Variants in CEP128 observed in about 807,000 individuals in gnomAD.
The protein encoded by CEP128 is centrosomal protein 128kDa.
A neutral mutation model predicts 156.7 loss-of-function variants in CEP128; 132 were observed. That is an observed-to-expected ratio of 0.84 (90% CI 0.73 to 0.97). The LOEUF (loss-of-function observed/expected upper bound fraction) is 0.97, where lower values mean the gene tolerates loss of function less well. Among genes scored for constraint, CEP128 ranks in the 50% least tolerant of loss-of-function variants. CEP128 has a pLI of 0.00. For synonymous variants in CEP128, 469 were observed against 448.9 expected (o/e 1.04, Z -0.57); for missense variants, 1,252 against 1,281.9 (o/e 0.98, Z 0.36).
chr14:80,752,688 G>A (rs999875875), intron 18 of CEP128, among the ~76,000 whole-genome samples: 4 of 152,194 alleles, frequency 2.6e-5, no homozygotes, highest in African/African-American at 9.7e-5. Flanking sequence ...ATATTCAAGT[G>A]TGGATTACAC....
In CEP128 at chr14:80,818,081, G is replaced by A. The variant is rs190397939; in HGVS notation, c.1209+13062C>T. Among the ~76,000 whole-genome samples, 3 of 152,284 alleles carry A rather than the reference G, an allele frequency of 2.0e-5. No homozygotes were observed. In the East Asian group the frequency reaches 5.8e-4, roughly 29 times the overall value. ...GTAAGAACAGGCTAAGTGCAGTGGT[G>A]TGATCACAGCCCACTGCGGCCTCAA... On this transcript the variant is annotated intron_variant, in intron 13 of 24. Coordinates refer to ENST00000555265, the MANE Select transcript of CEP128 (RefSeq NM_152446.5).
At chr14:80,617,383 G>A (rs904083889) in intron 19 of CEP128, among the ~76,000 whole-genome samples, 2 of 151,488 alleles carry the variant, frequency 1.3e-5, no homozygotes, top group African/African-American at 4.8e-5. Flanking sequence ...GGCGCAAGAC[G>A]CCACGCCTGG....
intron 19 of CEP128, among the ~76,000 whole-genome samples, chr14:80,701,700 T>G (rs1897080560): frequency 6.6e-6 from 1 of 152,210 alleles, no homozygotes; most frequent in African/African-American, 2.4e-5. Flanking sequence ...TCCTACTCTA[T>G]CAGTCTTCCC....
chr14:80,638,550 C>G (rs1046066648), intron 19 of CEP128, among the ~76,000 whole-genome samples: 3 of 152,156 alleles, frequency 2.0e-5, no homozygotes, highest in African/African-American at 2.4e-5. Context: ...TTTGCTGACC[C>G]CTCATCCCTC....
rs1889331600 is a variant in CEP128, at chr14:80,895,909, A to G, written c.573-119T>C. On this transcript the variant is annotated intron_variant, in intron 7 of 24. Transcript: ENST00000555265. ...AAATATTCTACTTTAGTGATTCTCA[A>G]ATGTTATAAACATCTGAAACACGTG... is the stretch of plus-strand genomic sequence containing the variant. The G allele has an allele frequency of 3.5e-5, 26 of 742,804 alleles. No individual in the cohort carries two copies. In the South Asian group the frequency reaches 5.6e-4, roughly 16 times the overall value. 46.0% of individuals were successfully genotyped at this position (742,804 alleles called of 1,614,324 possible).
At chr14:80,895,664 C>T (rs1230459577) in intron 8 of CEP128, 54 bp downstream of exon 8, 3 of 1,260,530 alleles carry the variant, frequency 2.4e-6, no homozygotes, top group South Asian at 2.9e-5. Context: ...TTATGACCAG[C>T]CTACCCATCC....
chr14:80,675,482 T>C (rs994865908), intron 19 of CEP128, among the ~76,000 whole-genome samples: 2 of 152,038 alleles, frequency 1.3e-5, no homozygotes, highest in Non-Finnish European at 2.9e-5. Context: ...ACTAACTTGG[T>C]GTAAAAATGG....
chr14:80,948,368 C>T (rs1405868526), intron 2 of CEP128, among the ~76,000 whole-genome samples: 3 of 152,102 alleles, frequency 2.0e-5, no homozygotes, highest in African/African-American at 7.3e-5. Context: ...CAGCCACACA[C>T]TTACTAATTA....
At chr14:80,588,395 T>C (rs1383322403) in intron 19 of CEP128, among the ~76,000 whole-genome samples, 1 of 152,098 alleles carries the variant, frequency 6.6e-6, no homozygotes, top group Non-Finnish European at 1.5e-5. Flanking sequence ...GACATTTTAT[T>C]TCAACTTATT....
intron 23 of CEP128, among the ~76,000 whole-genome samples, chr14:80,516,834 A>G (rs920546714): frequency 4.3e-4 from 65 of 152,280 alleles, no homozygotes; most frequent in African/African-American, 1.4e-3. Context: ...GGAGTGGGGA[A>G]GTGTAGGCAA....
chr14:80,514,211 C>A (rs1445399846), intron 23 of CEP128, among the ~76,000 whole-genome samples: 1 of 152,164 alleles, frequency 6.6e-6, no homozygotes, highest in Non-Finnish European at 1.5e-5. Flanking sequence ...TGATTGATGT[C>A]TCATGCCTCC....
chr14:80,895,046 A>G (rs919205973), intron 8 of CEP128, among the ~76,000 whole-genome samples: 2 of 152,078 alleles, frequency 1.3e-5, no homozygotes, highest in Non-Finnish European at 2.9e-5. Context: ...ACAAATTTGC[A>G]ACAGTTTAGT....
At chr14:80,904,760 C>T in intron 6 of CEP128, 53 bp downstream of exon 6, 2 of 982,752 alleles carry the variant, frequency 2.0e-6, no homozygotes, top group South Asian at 1.3e-5. Context: ...CATTTATATA[C>T]AATAGAAGCA....
intron 7 of CEP128, 89 bp downstream of exon 7, chr14:80,899,849 T>A (rs912372918): frequency 1.9e-5 from 18 of 940,548 alleles, no homozygotes; most frequent in Admixed American, 8.5e-5. Flanking sequence ...CAACATTTTT[T>A]AAAAATCTAG....
At chr14:80,604,214 C>T (rs1007802017) in intron 19 of CEP128, among the ~76,000 whole-genome samples, 5 of 152,184 alleles carry the variant, frequency 3.3e-5, no homozygotes, top group Admixed American at 3.3e-4. Context: ...TCAAAGACAT[C>T]CTCTGACTTT....
intron 19 of CEP128, among the ~76,000 whole-genome samples, chr14:80,693,507 C>T (rs754997955): frequency 2.1e-4 from 32 of 151,762 alleles, no homozygotes; most frequent in South Asian, 4.2e-4. Context: ...CTATATTAAA[C>T]TTAATTTGAA....
intron 13 of CEP128, among the ~76,000 whole-genome samples, chr14:80,828,764 A>G (rs1885624034): frequency 6.6e-6 from 1 of 152,214 alleles, no homozygotes. Context: ...GGTTAAAAAG[A>G]AACACATTAA....
At chr14:80,729,993 C>T (rs1334981629) in intron 19 of CEP128, among the ~76,000 whole-genome samples, 1 of 152,096 alleles carries the variant, frequency 6.6e-6, no homozygotes, top group African/African-American at 2.4e-5. Flanking sequence ...CCAACAGAGG[C>T]CTCACTGATG....
At chr14:80,876,023 A>C (rs1446688422) in intron 8 of CEP128, among the ~76,000 whole-genome samples, 2 of 152,134 alleles carry the variant, frequency 1.3e-5, no homozygotes, top group African/African-American at 4.8e-5. Context: ...AAAAGAAAGA[A>C]AGAAGAAAGA....
Sources: gnomAD v4.1 joint callset for allele counts (sites outside exome capture counted in the v4.1 genomes callset) on GRCh38, gnomAD v4.1.1 for gene constraint, MANE v1.5 for transcripts, NCBI Gene and HGNC (gene_info 2026-07-23, HGNC 2026-07-21) for gene names.